The following SCAF8 variants were observed in gnomAD, a reference collection of about 807,000 sequenced individuals.
SCAF8 encodes SR-related CTD associated factor 8.
Under a neutral mutation model 140.5 loss-of-function variants are expected in SCAF8, and 23 were observed. That is an observed-to-expected ratio of 0.16 (90% confidence interval 0.12 to 0.23). The LOEUF is 0.23. SCAF8 is among the 10% of genes least tolerant of loss of function. The probability of loss-of-function intolerance (pLI) is 1.00; values close to 1 mark genes in which losing one functional copy is unlikely to be tolerated. For synonymous variants in SCAF8, 575 were observed against 528.9 expected, an observed-to-expected ratio of 1.09 and a Z score of -1.20; for missense variants, 1,397 against 1,555.7, an observed-to-expected ratio of 0.90 and a Z score of 1.72.
chr6:154,750,134 AT>A (rs753794419), intron 1 of SCAF8, among the ~76,000 whole-genome samples: 2 of 148,644 alleles, frequency 1.3e-5, no homozygotes, highest in African/African-American at 5.0e-5. Context: ...TGGATGGGGG[AT>A]TTTTTTTCTC....
At chr6:154,789,311 C>A (rs371551879) in intron 4 of SCAF8, among the ~76,000 whole-genome samples, 37 of 151,772 alleles carry the variant, frequency 2.4e-4, no homozygotes, top group African/African-American at 8.7e-4. Flanking sequence ...TGGAGTTTTG[C>A]CATGTTGGGT....
chr6:154,735,986 T>C (rs4870311), intron 1 of SCAF8, among the ~76,000 whole-genome samples: 88,242 of 151,594 alleles, frequency 0.58, 27,601 homozygotes, highest in East Asian at 0.91. Flanking sequence ...AGTGTCACCA[T>C]GCCCGTCATT....
chr6:154,777,914 TGGAGCA>T (rs960490359), intron 2 of SCAF8, 81 bp from the exon 3 acceptor site: 19 of 782,094 alleles, frequency 2.4e-5, no homozygotes, highest in Admixed American at 1.4e-4. Flanking sequence ...GATAGACCTT[TGGAGCA>T]TGTAAAACCT....
At chr6:154,826,719 A>T (rs1778576216) in intron 17 of SCAF8, among the ~76,000 whole-genome samples, 1 of 152,196 alleles carries the variant, frequency 6.6e-6, no homozygotes, top group Non-Finnish European at 1.5e-5. Context: ...ATCTAAAATT[A>T]ATAATTTAAT....
intron 18 of SCAF8, among the ~76,000 whole-genome samples, chr6:154,829,966 G>A (rs1008979218): frequency 6.6e-6 from 1 of 152,144 alleles, no homozygotes; most frequent in Non-Finnish European, 1.5e-5. Flanking sequence ...AGGAAGAATT[G>A]TTTATTCTTT....
At chr6:154,739,805 A>G (rs1356046068) in intron 1 of SCAF8, among the ~76,000 whole-genome samples, 1 of 152,108 alleles carries the variant, frequency 6.6e-6, no homozygotes, top group African/African-American at 2.4e-5. Context: ...CAGGGTGGGT[A>G]TTTTGTCTAA....
intron 4 of SCAF8, among the ~76,000 whole-genome samples, chr6:154,790,551 C>G (rs544648609): frequency 8.8e-6 from 1 of 113,448 alleles, no homozygotes; most frequent in African/African-American, 3.4e-5. Context: ...CGCTCTGTTG[C>G]CCAGGCTGGA....
At position 154,808,198 on chromosome 6, in the gene SCAF8, A is replaced by G. The variant is rs61753575; in HGVS notation, c.1110A>G (p.Gln370=). Residue 370 remains glutamine, a synonymous_variant, in exon 10 of 20, where the codon CAA becomes CAG. Coordinates refer to ENST00000367178, the MANE Select transcript of SCAF8 (RefSeq NM_014892.5). ...TGGATGATTCCATAGATATTCAGCAACAGGTAAAAGTAAATGTTTTTCTGG... is the reference window on the plus strand; with the variant it reads ...TGGATGATTCCATAGATATTCAGCAGCAGGTAAAAGTAAATGTTTTTCTGG... ...VNLDDSIDIQ[Q]QDMDIDEGQD... The G allele has an allele frequency of 1.1e-3, 1,761 of 1,612,678 alleles. 25 individuals carry two copies. The African/African-American group carries it at 0.02, about 18-fold the overall frequency.
rs1361176952 is a variant in SCAF8, at chr6:154,820,212, A to T, written c.1671A>T (p.Glu557Asp). ...CTTTAAACAAAGGTGTAAAAACAGAATACAAACAATTCTGGGATGTGGATC... is the reference window on the plus strand; with the variant it reads ...CTTTAAACAAAGGTGTAAAAACAGATTACAAACAATTCTGGGATGTGGATC... ...AWALNKGVKT[E>D]YKQFWDVDLG... is the part of the protein sequence containing the mutation. The change falls in exon 15 of 20, where the codon GAA (glutamate) becomes GAT (aspartate). Residue 557 changes from glutamate (E) to aspartate (D), a missense_variant. Transcript: ENST00000367178. 6.2e-7 allele frequency: 1 copy of T among 1,604,948 alleles called. No homozygotes were observed. Among genetic ancestry groups the T allele is most frequent in the African/African-American group, 1.3e-5 (1 of 74,164 alleles).
At position 154,832,824 on chromosome 6, in the gene SCAF8, G is replaced by T; in HGVS notation, c.3245G>T (p.Arg1082Ile). Reference protein sequence around the residue: ...VRPGIDHLGRRDHFGFNPEKP... With the variant: ...VRPGIDHLGRIDHFGFNPEKP... ...CCAGGTATAGATCATCTTGGTCGAA[G>T]AGACCACTTTGGCTTTAATCCAGAG... Residue 1082 changes from arginine (R) to isoleucine (I), a missense_variant, in exon 20 of 20, where the codon AGA (arginine) becomes ATA (isoleucine). Around this residue, in one of 5 missense-constraint regions of SCAF8, gnomAD observed 930 missense variants for 874.6 expected, o/e 1.06. Coordinates refer to ENST00000367178, the MANE Select transcript of SCAF8 (RefSeq NM_014892.5). 2 of 1,614,044 alleles carry T rather than the reference G, an allele frequency of 1.2e-6. No individual in the cohort carries two copies. Among genetic ancestry groups the T allele is most frequent in the Non-Finnish European group, 1.7e-6 (2 of 1,180,002 alleles).
intron 17 of SCAF8, among the ~76,000 whole-genome samples, chr6:154,826,432 G>A (rs951968645): frequency 1.3e-5 from 2 of 152,034 alleles, no homozygotes; most frequent in South Asian, 2.1e-4. Flanking sequence ...CCACAAAATT[G>A]AGTTATAATT....
At chr6:154,768,532 T>G (rs1776646664) in intron 1 of SCAF8, among the ~76,000 whole-genome samples, 1 of 152,246 alleles carries the variant, frequency 6.6e-6, no homozygotes, top group Admixed American at 6.5e-5. Flanking sequence ...CTAGAGGTTT[T>G]TGTGGTTATG....
At chr6:154,796,664 G>A (rs1199195758) in intron 6 of SCAF8, among the ~76,000 whole-genome samples, 1 of 151,906 alleles carries the variant, frequency 6.6e-6, no homozygotes, top group African/African-American at 2.4e-5. Flanking sequence ...GGAAGGTTTG[G>A]GTGAACTTAA....
At chr6:154,763,592 G>A (rs891564236) in intron 1 of SCAF8, among the ~76,000 whole-genome samples, 2 of 152,268 alleles carry the variant, frequency 1.3e-5, no homozygotes, top group Admixed American at 6.5e-5. Context: ...GCACAAAAAT[G>A]TTTGAAGTGA....
At chr6:154,747,399 C>CTA (rs1234046566) in intron 1 of SCAF8, among the ~76,000 whole-genome samples, 1 of 152,118 alleles carries the variant, frequency 6.6e-6, no homozygotes, top group Non-Finnish European at 1.5e-5. Flanking sequence ...TGATGCATGT[C>CTA]TATAGTCCCA....
intron 2 of SCAF8, among the ~76,000 whole-genome samples, chr6:154,777,113 G>A (rs894275317): frequency 6.6e-6 from 1 of 152,022 alleles, no homozygotes; most frequent in African/African-American, 2.4e-5. Flanking sequence ...CCCGGGAGGC[G>A]AGGGTTGCAG....
intron 16 of SCAF8, among the ~76,000 whole-genome samples, chr6:154,823,997 C>T (rs936189478): frequency 1.3e-5 from 2 of 152,144 alleles, no homozygotes; most frequent in Middle Eastern, 3.2e-3. Flanking sequence ...CATTAGTTTA[C>T]ATCACTTGAA....
intron 5 of SCAF8, among the ~76,000 whole-genome samples, chr6:154,794,775 T>TG (rs1562449798): frequency 1.5e-4 from 1 of 6,694 alleles, no homozygotes; most frequent in Non-Finnish European, 3.3e-4. Context: ...GGGGGGGGTG[T>TG]GGGGGGTGTG....
chr6:154,800,576 T>C (rs1195386547), intron 6 of SCAF8, among the ~76,000 whole-genome samples: 2 of 151,610 alleles, frequency 1.3e-5, no homozygotes, highest in Admixed American at 1.3e-4. Context: ...AACAGTACTT[T>C]ACATGGATTA....
Sources: allele counts gnomAD v4.1 joint callset (sites outside exome capture counted in the v4.1 genomes callset), GRCh38; gene constraint gnomAD v4.1.1; regional missense constraint gnomAD v4.1.1; transcripts MANE v1.5; gene names NCBI Gene and HGNC (gene_info 2026-07-23, HGNC 2026-07-21).